The following FOXO3 variants were observed in gnomAD, a reference collection of about 807,000 sequenced individuals.
The protein encoded by FOXO3 is forkhead box protein O3.
Under a neutral mutation model 41.9 loss-of-function variants are expected in FOXO3, and 4 were observed. That is an observed-to-expected ratio of 0.10 (90% CI 0.05 to 0.22). FOXO3 has a LOEUF of 0.22. FOXO3 is among the 10% of genes least tolerant of loss of function. The pLI, the probability that FOXO3 is intolerant of heterozygous loss-of-function variation, is 1.00. For missense variants in FOXO3, 534 were observed against 906.8 expected, an observed-to-expected ratio of 0.59 and a Z score of 5.28; for synonymous variants, 318 against 389.3, an observed-to-expected ratio of 0.82 and a Z score of 2.16.
At chr6:108,672,814 T>C (rs1266476894) in intron 2 of FOXO3, among the ~76,000 whole-genome samples, 1 of 152,170 alleles carries the variant, frequency 6.6e-6, no homozygotes, top group African/African-American at 2.4e-5. Flanking sequence ...TTGTCTCTGA[T>C]GCAAGAAGTC....
intron 1 of FOXO3, among the ~76,000 whole-genome samples, chr6:108,633,923 CA>C (rs1214876114): frequency 6.6e-6 from 1 of 152,046 alleles, no homozygotes; most frequent in African/African-American, 2.4e-5. Context: ...CTCAGTTACC[CA>C]GATTTATATC....
chr6:108,575,441 A>G (rs1252174247), intron 1 of FOXO3, among the ~76,000 whole-genome samples: 1 of 151,708 alleles, frequency 6.6e-6, no homozygotes, highest in Non-Finnish European at 1.5e-5. Context: ...TGATACTGTG[A>G]TGGTTTCATA....
intron 1 of FOXO3, among the ~76,000 whole-genome samples, chr6:108,648,203 C>CA (rs1370919680): frequency 6.6e-6 from 1 of 152,160 alleles, no homozygotes; most frequent in Admixed American, 6.5e-5. Flanking sequence ...TGCAGAAACT[C>CA]AGTACTGTTA....
intron 1 of FOXO3, among the ~76,000 whole-genome samples, chr6:108,588,891 A>AT (rs1331224252): frequency 6.6e-6 from 1 of 152,238 alleles, no homozygotes; most frequent in Non-Finnish European, 1.5e-5. Context: ...TTCTCAAGCA[A>AT]CTGGAATATG....
chr6:108,595,417 C>G (rs1283758928), intron 1 of FOXO3, among the ~76,000 whole-genome samples: 2 of 152,210 alleles, frequency 1.3e-5, no homozygotes, highest in Non-Finnish European at 2.9e-5. Context: ...ATTTCCCAAG[C>G]ATACTCATTG....
chr6:108,622,309 C>G (rs1777693261), intron 1 of FOXO3, among the ~76,000 whole-genome samples: 1 of 148,424 alleles, frequency 6.7e-6, no homozygotes, highest in African/African-American at 2.5e-5. Flanking sequence ...TTAAGTTCCT[C>G]TTGGAGAGCT....
chr6:108,625,043 A>G (rs1473391919), intron 1 of FOXO3, among the ~76,000 whole-genome samples: 2 of 152,172 alleles, frequency 1.3e-5, no homozygotes, highest in Admixed American at 6.5e-5. Flanking sequence ...CAGCCTCCCA[A>G]GCAGCCGGAA....
chr6:108,600,748 G>C (rs181066944), intron 1 of FOXO3, among the ~76,000 whole-genome samples: 3 of 152,190 alleles, frequency 2.0e-5, no homozygotes, highest in African/African-American at 7.2e-5. Flanking sequence ...GTACTTTGTG[G>C]TTGAATGTCT....
intron 1 of FOXO3, among the ~76,000 whole-genome samples, chr6:108,645,679 TG>T (rs1384983352): frequency 4.6e-5 from 7 of 152,192 alleles, no homozygotes; most frequent in Admixed American, 3.9e-4. Flanking sequence ...AGTCATTCAC[TG>T]AAAAGCACTT....
chr6:108,668,904 A>G (rs544340279), intron 2 of FOXO3, among the ~76,000 whole-genome samples: 144 of 152,242 alleles, frequency 9.5e-4, no homozygotes, highest in African/African-American at 3.3e-3. Context: ...AGACGGGTGG[A>G]TCATGAGGTC....
In FOXO3 at chr6:108,586,480, T is replaced by C. The variant is rs117837297; in HGVS notation, c.621+24651T>C. The stretch of plus-strand genomic sequence containing the variant: ...CCTCAGTGATGTATCTATGTTCATC[T>C]ATCTGGCCTTGTGAATATTTTTTTG... On this transcript the variant is annotated intron_variant, in intron 1 of 2. Transcript: ENST00000406360. 2.0e-5 allele frequency among the ~76,000 whole-genome samples: 3 copies of C among 152,314 alleles called. No homozygotes were observed. In the East Asian group the frequency reaches 5.8e-4, roughly 29 times the overall value.
chr6:108,634,524 A>G (rs570832297), intron 1 of FOXO3, among the ~76,000 whole-genome samples: 36 of 152,284 alleles, frequency 2.4e-4, no homozygotes, highest in African/African-American at 8.4e-4. Context: ...GATTTGAGCC[A>G]TAATATCTAG....
chr6:108,566,005 T>C (rs1775938178), intron 1 of FOXO3, among the ~76,000 whole-genome samples: 1 of 152,222 alleles, frequency 6.6e-6, no homozygotes, highest in Non-Finnish European at 1.5e-5. Flanking sequence ...TGGCCCGTGT[T>C]GCCAAAATGT....
chr6:108,567,876 G>A (rs1185733573), intron 1 of FOXO3, among the ~76,000 whole-genome samples: 3 of 152,138 alleles, frequency 2.0e-5, no homozygotes, highest in African/African-American at 7.2e-5. Flanking sequence ...GTGAAACCCT[G>A]TCTCTACTAA....
intron 2 of FOXO3, among the ~76,000 whole-genome samples, chr6:108,671,172 A>G (rs1002857715): frequency 4.6e-5 from 7 of 152,336 alleles, no homozygotes; most frequent in Non-Finnish European, 8.8e-5. Context: ...CACATGGTCT[A>G]TTCCACAAAA....
chr6:108,601,737 A>G (rs2128366609), intron 1 of FOXO3, among the ~76,000 whole-genome samples: 1 of 152,360 alleles, frequency 6.6e-6, no homozygotes, highest in Non-Finnish European at 1.5e-5. Flanking sequence ...ATCATGTTAT[A>G]TCATACAGTA....
At chr6:108,580,183 A>T (rs1053830213) in intron 1 of FOXO3, among the ~76,000 whole-genome samples, 109 of 93,032 alleles carry the variant, frequency 1.2e-3, no homozygotes, top group East Asian at 1.7e-3. Context: ...GCTCTTCTTC[A>T]TTTTTTTTTT....
intron 2 of FOXO3, among the ~76,000 whole-genome samples, chr6:108,671,175 C>T (rs2128390241): frequency 6.6e-6 from 1 of 152,334 alleles, no homozygotes; most frequent in East Asian, 1.9e-4. Flanking sequence ...ATGGTCTATT[C>T]CACAAAAACA....
chr6:108,675,126 G>C (rs773854643), intron 2 of FOXO3, among the ~76,000 whole-genome samples: 4 of 152,200 alleles, frequency 2.6e-5, no homozygotes, highest in African/African-American at 2.4e-5. Context: ...ATCTCTGATA[G>C]GGATAGATCA....
Sources: allele counts gnomAD v4.1 joint callset (sites outside exome capture counted in the v4.1 genomes callset), GRCh38; gene constraint gnomAD v4.1.1; transcripts MANE v1.5; gene names NCBI Gene and HGNC (gene_info 2026-07-23, HGNC 2026-07-21).